NTRK1: variants seen among roughly 807,000 people sequenced by gnomAD.
NTRK1 encodes neurotrophic receptor tyrosine kinase 1, also known as high affinity nerve growth factor receptor.
Under a neutral mutation model 86.8 loss-of-function variants are expected in NTRK1, and 62 were observed. The ratio of observed to expected loss-of-function variants is 0.71; its 90% CI spans 0.58 to 0.88. NTRK1 has a LOEUF of 0.88. Among genes scored for constraint, NTRK1 ranks in the 40% least tolerant of loss-of-function variants. The probability of loss-of-function intolerance (pLI) is 0.00; values close to 1 mark genes in which losing one functional copy is unlikely to be tolerated. For synonymous variants in NTRK1, 469 were observed against 456.6 expected, an observed-to-expected ratio of 1.03 and a Z score of -0.35; for missense variants, 967 against 1,078.4, an observed-to-expected ratio of 0.90 and a Z score of 1.45.
chr1:156,873,610 C>T (rs2102904569), intron 7 of NTRK1, 23 bp from the exon 8 acceptor site: 1 of 1,605,608 alleles, frequency 6.2e-7, no homozygotes, highest in Non-Finnish European at 8.5e-7. Context: ...TGACCTCCTG[C>T]TGTTGCTCTT....
chr1:156,845,060 T>C, intron 2 of NTRK1: 1 of 1,595,754 alleles, frequency 6.3e-7, no homozygotes, highest in Non-Finnish European at 8.5e-7. Flanking sequence ...AGAAGGTGTG[T>C]GTGTGGATCA....
intron 1 of NTRK1, chr1:156,816,147 C>T (rs1357279610): frequency 6.4e-7 from 1 of 1,555,540 alleles, no homozygotes; most frequent in East Asian, 2.3e-5. Flanking sequence ...CTATGTCTGT[C>T]TCTGCCTCCC....
At chr1:156,828,455 C>T (rs1402886353) in intron 1 of NTRK1, among the ~76,000 whole-genome samples, 1 of 152,248 alleles carries the variant, frequency 6.6e-6, no homozygotes, top group Non-Finnish European at 1.5e-5. Context: ...TAGAGGATAA[C>T]AGCCCTTCCA....
At chr1:156,863,298 A>G (rs529039389) in intron 1 of NTRK1, among the ~76,000 whole-genome samples, 1 of 151,566 alleles carries the variant, frequency 6.6e-6, no homozygotes, top group Admixed American at 6.6e-5. Flanking sequence ...CTTGCCTGTC[A>G]CTATCTCTCT....
chr1:156,819,391 C>T (rs890976609), intron 1 of NTRK1, among the ~76,000 whole-genome samples: 3 of 151,970 alleles, frequency 2.0e-5, no homozygotes, highest in Admixed American at 1.3e-4. Context: ...ATTTGCATTT[C>T]CCTGATGATT....
At chr1:156,868,324 G>A in intron 5 of NTRK1, 75 bp downstream of exon 5, 1 of 1,579,466 alleles carries the variant, frequency 6.3e-7, no homozygotes, top group East Asian at 2.3e-5. Flanking sequence ...AGGGCACTGA[G>A]CAAGCACTGA....
At chr1:156,829,337 G>A (rs1021403994) in intron 1 of NTRK1, among the ~76,000 whole-genome samples, 2 of 152,100 alleles carry the variant, frequency 1.3e-5, no homozygotes, top group African/African-American at 2.4e-5. Context: ...AAGGCTCCCC[G>A]TATCCCTCAT....
At chr1:156,868,404 G>A in intron 5 of NTRK1, 101 bp from the exon 6 acceptor site, 1 of 1,539,710 alleles carries the variant, frequency 6.5e-7, no homozygotes, top group Non-Finnish European at 8.8e-7. Flanking sequence ...CTGGGCTCCA[G>A]GTCATTGAGG....
chr1:156,851,745 T>C, intron 2 of NTRK1: 3 of 1,614,158 alleles, frequency 1.9e-6, no homozygotes, highest in Non-Finnish European at 2.5e-6. Flanking sequence ...GTGCCTACCT[T>C]GCACTCTTTA....
chr1:156,840,428 A>G lies in NTRK1; in HGVS notation c.-63-1653A>G, dbSNP rs544617613. The G allele has an allele frequency of 1.7e-3, 186 of 110,724 alleles. 2 individuals carry two copies. The highest frequency in any genetic ancestry group is 4.5e-3 in the Middle Eastern group (1 of 220). 6.9% of individuals were successfully genotyped at this position (110,724 alleles called of 1,614,324 possible). On this transcript the variant is annotated intron_variant, in intron 1 of 16. Transcript: ENST00000392302. ...AGTGGCAAGCAAGGCAGTCATGTGG[A>G]GCCCCACCCCCCTCCCATACATGCA...
At chr1:156,834,067 C>G (rs1037028523) in intron 1 of NTRK1, among the ~76,000 whole-genome samples, 4 of 152,212 alleles carry the variant, frequency 2.6e-5, no homozygotes, top group Non-Finnish European at 2.9e-5. Context: ...TCAATTATCT[C>G]TCTGTGGAAA....
chr1:156,858,428 T>C, upstream of NTRK1: 1 of 812,872 alleles, frequency 1.2e-6, no homozygotes, highest in East Asian at 2.5e-5. Context: ...CCAACCCCCA[T>C]GTTCCAGTGC....
chr1:156,823,989 G>C (rs772256465), intron 1 of NTRK1, among the ~76,000 whole-genome samples: 6 of 152,148 alleles, frequency 3.9e-5, no homozygotes, highest in Middle Eastern at 3.2e-3. Context: ...GCCAGTGCTG[G>C]GCCTGGATGA....
chr1:156,838,042 G>A (rs543065628), intron 1 of NTRK1, among the ~76,000 whole-genome samples: 1 of 152,260 alleles, frequency 6.6e-6, no homozygotes, highest in African/African-American at 2.4e-5. Context: ...CCTAGAGGAA[G>A]AATAACTGTG....
chr1:156,881,753 T>C lies in NTRK1; in HGVS notation c.*111T>C. 1 of 1,143,818 alleles carries C rather than the reference T, an allele frequency of 8.7e-7. No individual in the cohort carries two copies. Among genetic ancestry groups the C allele is most frequent in the Non-Finnish European group, 1.2e-6 (1 of 830,830 alleles). The allele number at this position is 1,143,818 out of a possible 1,614,324, so 70.9% of individuals were successfully genotyped here. On this transcript the variant is annotated 3_prime_UTR_variant, in exon 17 of 17. Transcript: ENST00000524377. The stretch of plus-strand genomic sequence containing the variant: ...TGATCTCAAAGTATCTAATTCACCC[T>C]CAGCATGTGGGAAGGGACAGGTGGG...
chr1:156,865,211 G>A (rs904853159), intron 3 of NTRK1: 11 of 273,060 alleles, frequency 4.0e-5, no homozygotes, highest in Non-Finnish European at 7.2e-6. Context: ...TCTGCCACTT[G>A]TCACCCTCCT....
At chr1:156,879,727 A>T (rs1648142973) in intron 15 of NTRK1, among the ~76,000 whole-genome samples, 1 of 152,104 alleles carries the variant, frequency 6.6e-6, no homozygotes, top group African/African-American at 2.4e-5. Context: ...CTCCTGCTTC[A>T]GCCTCCCGAG....
chr1:156,859,982 T>G (rs762045057), upstream of NTRK1, among the ~76,000 whole-genome samples: 1 of 152,188 alleles, frequency 6.6e-6, no homozygotes, highest in Admixed American at 6.5e-5. The surrounding 1 kb of genome is among the most constrained non-coding windows in gnomAD (Gnocchi z 6.2). Context: ...GCCTCCAAGG[T>G]GCGCGGTCCT....
chr1:156,861,469 C>T (rs558460418), intron 1 of NTRK1, among the ~76,000 whole-genome samples: 18 of 152,306 alleles, frequency 1.2e-4, no homozygotes, highest in Non-Finnish European at 2.2e-4. Context: ...AGCCAGAAGC[C>T]CCTGCTCTGT....
Sources: allele counts gnomAD v4.1 joint callset (sites outside exome capture counted in the v4.1 genomes callset), GRCh38; gene constraint gnomAD v4.1.1; non-coding constraint Gnocchi (gnomAD v3.1); transcripts MANE v1.5; gene names NCBI Gene and HGNC (gene_info 2026-07-23, HGNC 2026-07-21).